The following NRG3 variants were observed in gnomAD, a reference collection of about 807,000 sequenced individuals.
NRG3 encodes the protein pro-neuregulin-3, membrane-bound isoform.
Under a neutral mutation model 66.9 loss-of-function variants are expected in NRG3, and 31 were observed. The observed-to-expected ratio is 0.46, with a 90% CI of 0.35 to 0.63. The LOEUF (loss-of-function observed/expected upper bound fraction) is 0.63, where lower values mean the gene tolerates loss of function less well. Among genes scored for constraint, NRG3 ranks in the 20% least tolerant of loss-of-function variants. The pLI is 0.00. For synonymous variants in NRG3, 393 were observed against 359.4 expected (o/e 1.09, Z -1.06); for missense variants, 910 against 878.9 (o/e 1.04, Z -0.45).
chr10:82,614,014 C>T (rs985758917), intron 2 of NRG3, among the ~76,000 whole-genome samples: 1 of 151,992 alleles, frequency 6.6e-6, no homozygotes, highest in Non-Finnish European at 1.5e-5. Context: ...GCAATTCTGC[C>T]TCAGCCTCCC....
At chr10:82,068,738 G>A (rs1589988015) in intron 1 of NRG3, among the ~76,000 whole-genome samples, 1 of 152,148 alleles carries the variant, frequency 6.6e-6, no homozygotes, top group African/African-American at 2.4e-5. Flanking sequence ...GAGAGACAGT[G>A]GGAAGAAATG....
At chr10:82,144,917 G>A (rs190413906) in intron 1 of NRG3, among the ~76,000 whole-genome samples, 13 of 152,304 alleles carry the variant, frequency 8.5e-5, no homozygotes, top group African/African-American at 2.6e-4. Context: ...CATTCTCCTT[G>A]TTGTCTTTTG....
chr10:82,252,841 C>T (rs1249155223), intron 1 of NRG3, among the ~76,000 whole-genome samples: 2 of 152,256 alleles, frequency 1.3e-5, no homozygotes, highest in East Asian at 3.9e-4. Context: ...TTGAGTTTCA[C>T]ACCTGGCTGT....
At chr10:81,977,687 T>C (rs945231924) in intron 1 of NRG3, among the ~76,000 whole-genome samples, 4 of 152,206 alleles carry the variant, frequency 2.6e-5, no homozygotes, top group African/African-American at 4.8e-5. Flanking sequence ...ATGAAAACAC[T>C]CTGTGGTTTT....
At chr10:82,390,456 T>C (rs755503952) in intron 2 of NRG3, among the ~76,000 whole-genome samples, 2 of 152,082 alleles carry the variant, frequency 1.3e-5, no homozygotes, top group Non-Finnish European at 2.9e-5. Flanking sequence ...GAGGAAGAAG[T>C]ATATTCTTTA....
At chr10:82,618,809 A>C (rs1279181905) in intron 2 of NRG3, among the ~76,000 whole-genome samples, 1 of 152,116 alleles carries the variant, frequency 6.6e-6, no homozygotes, top group East Asian at 1.9e-4. Context: ...GATATTGAGT[A>C]TGAAAAGTAT....
intron 1 of NRG3, among the ~76,000 whole-genome samples, chr10:81,993,447 A>G (rs543933497): frequency 5.9e-5 from 9 of 152,036 alleles, no homozygotes; most frequent in Non-Finnish European, 8.8e-5. Context: ...CCTGGGTTCA[A>G]ATGATCCTCC....
At chr10:82,346,811 G>A (rs1164018073) in intron 1 of NRG3, among the ~76,000 whole-genome samples, 1 of 152,058 alleles carries the variant, frequency 6.6e-6, no homozygotes, top group East Asian at 1.9e-4. Context: ...TATGTGTCAA[G>A]GAATTTATCC....
At chr10:82,774,453 T>C (rs952582729) in intron 3 of NRG3, among the ~76,000 whole-genome samples, 1 of 152,130 alleles carries the variant, frequency 6.6e-6, no homozygotes, top group Non-Finnish European at 1.5e-5. Flanking sequence ...TATTGTATTA[T>C]TGGTTTGTTT....
intron 4 of NRG3, among the ~76,000 whole-genome samples, chr10:82,931,170 A>G (rs1381538560): frequency 2.0e-5 from 3 of 152,304 alleles, no homozygotes; most frequent in African/African-American, 7.2e-5. Context: ...TATACTAGAA[A>G]TTTGGGAGCC....
intron 1 of NRG3, among the ~76,000 whole-genome samples, chr10:82,225,054 A>G (rs1481652167): frequency 6.6e-6 from 1 of 152,056 alleles, no homozygotes; most frequent in East Asian, 1.9e-4. Context: ...TACTTTTAAA[A>G]ATGAACTTGC....
chr10:82,577,649 C>T (rs181939552), intron 2 of NRG3, among the ~76,000 whole-genome samples: 3 of 151,692 alleles, frequency 2.0e-5, no homozygotes, highest in Non-Finnish European at 4.4e-5. Flanking sequence ...ACCTTGAACT[C>T]GGTAAACACT....
intron 3 of NRG3, among the ~76,000 whole-genome samples, chr10:82,816,619 G>A (rs531388847): frequency 2.6e-5 from 4 of 151,920 alleles, no homozygotes; most frequent in African/African-American, 9.7e-5. Context: ...CCTGAAGGTG[G>A]GTCTTTACCC....
intron 2 of NRG3, among the ~76,000 whole-genome samples, chr10:82,710,100 T>A (rs1239744363): frequency 6.6e-6 from 1 of 152,216 alleles, no homozygotes; most frequent in Non-Finnish European, 1.5e-5. Context: ...GCTTCCAATT[T>A]TTACAATTAA....
At chr10:82,610,907 C>G (rs1457984635) in intron 2 of NRG3, among the ~76,000 whole-genome samples, 1 of 152,012 alleles carries the variant, frequency 6.6e-6, no homozygotes, top group Non-Finnish European at 1.5e-5. Context: ...AATATTTTAA[C>G]CAAATCTATA....
At chr10:82,103,310 G>C (rs976357905) in intron 1 of NRG3, among the ~76,000 whole-genome samples, 3 of 152,020 alleles carry the variant, frequency 2.0e-5, no homozygotes, top group Non-Finnish European at 4.4e-5. Flanking sequence ...TCTTTGTATA[G>C]AATTGGTAGA....
chr10:82,065,266 T>G (rs2064388660), intron 1 of NRG3, among the ~76,000 whole-genome samples: 1 of 152,162 alleles, frequency 6.6e-6, no homozygotes, highest in Non-Finnish European at 1.5e-5. Flanking sequence ...GTTATTAGAA[T>G]AAAAACACAT....
intron 1 of NRG3, among the ~76,000 whole-genome samples, chr10:82,137,446 G>C (rs2069454696): frequency 6.6e-6 from 1 of 152,106 alleles, no homozygotes; most frequent in Admixed American, 6.6e-5. Flanking sequence ...GCTCCAGCTA[G>C]CACATTTCCT....
chr10:82,700,871 C>T (rs1354106478), intron 2 of NRG3, among the ~76,000 whole-genome samples: 1 of 152,022 alleles, frequency 6.6e-6, no homozygotes, highest in Non-Finnish European at 1.5e-5. Flanking sequence ...ATCTTGGACA[C>T]AAGGGAACAC....
Sources: allele counts gnomAD v4.1 joint callset (sites outside exome capture counted in the v4.1 genomes callset), GRCh38; gene constraint gnomAD v4.1.1; transcripts MANE v1.5; gene names NCBI Gene and HGNC (gene_info 2026-07-23, HGNC 2026-07-21).